Variants in MYO5B observed in about 807,000 individuals in gnomAD.
MYO5B encodes the protein unconventional myosin-Vb.
MYO5B carries 143 observed loss-of-function variants against 229.3 expected under a neutral mutation model. That is an observed-to-expected ratio of 0.62 (90% confidence interval 0.54 to 0.72). The LOEUF (loss-of-function observed/expected upper bound fraction) is 0.72, where lower values mean the gene tolerates loss of function less well. Among genes scored for constraint, MYO5B ranks in the 30% least tolerant of loss-of-function variants. The probability of loss-of-function intolerance (pLI) is 0.00; values close to 1 mark genes in which losing one functional copy is unlikely to be tolerated. For missense variants in MYO5B, 2,321 were observed against 2,331.0 expected (o/e 1.00, Z 0.09); for synonymous variants, 918 against 885.2 (o/e 1.04, Z -0.66).
At chr18:50,107,759 A>T (rs998321737) in intron 1 of MYO5B, among the ~76,000 whole-genome samples, 1 of 152,200 alleles carries the variant, frequency 6.6e-6, no homozygotes, top group Non-Finnish European at 1.5e-5. Flanking sequence ...TTTAAGTTGT[A>T]TATGCTAACA....
chr18:49,931,688 C>CA (rs2025194301), intron 16 of MYO5B, among the ~76,000 whole-genome samples: 1 of 152,152 alleles, frequency 6.6e-6, no homozygotes, highest in East Asian at 1.9e-4. Flanking sequence ...CCAGGGGCGG[C>CA]AATGACCAGT....
At chr18:50,173,402 G>T (rs925573564) in intron 1 of MYO5B, among the ~76,000 whole-genome samples, 2 of 152,162 alleles carry the variant, frequency 1.3e-5, no homozygotes, top group African/African-American at 4.8e-5. Context: ...AAGGGGTTTG[G>T]ATTTTATTCC....
Position 49,864,393 on chromosome 18 carries a change from C to A in MYO5B, c.3604-13G>T, listed in dbSNP as rs754376136. ...CCAGCTCTTGCCTCTGGAAGACAGC[C>A]CAAGGGCCGCTGCCATTACTCCCTG... On this transcript the variant is annotated splice_polypyrimidine_tract_variant and intron_variant, in intron 27 of 39. Coordinates refer to ENST00000285039, the MANE Select transcript of MYO5B (RefSeq NM_001080467.3). 5 of 1,612,304 alleles carry A rather than the reference C, an allele frequency of 3.1e-6. No homozygotes were observed. The highest frequency in any genetic ancestry group is 4.2e-6 in the Non-Finnish European group (5 of 1,179,972).
intron 10 of MYO5B, among the ~76,000 whole-genome samples, chr18:49,973,686 A>G (rs866818198): frequency 6.6e-6 from 1 of 152,330 alleles, no homozygotes; most frequent in South Asian, 2.1e-4. Context: ...GAAAGACCAG[A>G]GAGGGTCTGC....
intron 1 of MYO5B, among the ~76,000 whole-genome samples, chr18:50,068,782 C>A (rs1194260820): frequency 6.6e-6 from 1 of 152,200 alleles, no homozygotes; most frequent in Non-Finnish European, 1.5e-5. Context: ...ACAAATCATT[C>A]ACATTCTCCT....
chr18:49,871,986 G>C (rs1350802389), intron 27 of MYO5B, among the ~76,000 whole-genome samples, 181 bp downstream of exon 27: 2 of 152,136 alleles, frequency 1.3e-5, no homozygotes, highest in East Asian at 1.9e-4. Flanking sequence ...TCCTGTAGTA[G>C]ATACAAATTT....
At chr18:50,102,856 C>T (rs1383796334) in intron 1 of MYO5B, among the ~76,000 whole-genome samples, 1 of 152,092 alleles carries the variant, frequency 6.6e-6, no homozygotes, top group Non-Finnish European at 1.5e-5. Flanking sequence ...TTTTCCTTCC[C>T]CTCCCCAGCC....
In MYO5B at chr18:49,906,468, C is replaced by G; in HGVS notation, c.2365G>C (p.Gly789Arg). 1.2e-6 allele frequency: 2 copies of G among 1,614,170 alleles called. No homozygotes were observed. The highest frequency in any genetic ancestry group is 2.2e-5 in the South Asian group (2 of 91,086). Residue 789 changes from glycine (G) to arginine (R), a missense_variant, in exon 19 of 40, where the codon GGG (glycine) becomes CGG (arginine). Gly to Arg is a moderately radical substitution (Grantham distance 125). This residue lies in a region of MYO5B where 2,113 missense variants were observed against 2,044.7 expected (regional missense o/e 1.03). Coordinates refer to ENST00000285039, the MANE Select transcript of MYO5B (RefSeq NM_001080467.3). ...TACCTCTGCAGGGTTAAGGTAGCCC[C>G]CTTCAGCCTGTGATATTTCACCTTC... ...LQKVKYHRLK[G>R]ATLTLQRYCR...
At chr18:49,857,267 C>T (rs1341419358) in intron 29 of MYO5B, among the ~76,000 whole-genome samples, 7 of 152,312 alleles carry the variant, frequency 4.6e-5, no homozygotes, top group Admixed American at 3.3e-4. Context: ...CATGGTGCTT[C>T]CCTCAATCAG....
At chr18:49,838,252 C>T (rs1476843423) in intron 36 of MYO5B, among the ~76,000 whole-genome samples, 1 of 152,192 alleles carries the variant, frequency 6.6e-6, no homozygotes, top group Non-Finnish European at 1.5e-5. Context: ...TAAAGTACTA[C>T]CCATTTTTAT....
chr18:50,000,062 C>T (rs923969790), intron 5 of MYO5B, among the ~76,000 whole-genome samples: 2 of 152,184 alleles, frequency 1.3e-5, no homozygotes, highest in African/African-American at 4.8e-5. Flanking sequence ...CTCAAAGTAA[C>T]GCAACTCTGA....
At chr18:50,119,718 G>A (rs1450043953) in intron 1 of MYO5B, among the ~76,000 whole-genome samples, 2 of 152,256 alleles carry the variant, frequency 1.3e-5, no homozygotes, top group Non-Finnish European at 2.9e-5. Flanking sequence ...AAATCAGCCC[G>A]AGTTGTTCAT....
intron 4 of MYO5B, among the ~76,000 whole-genome samples, chr18:50,008,367 T>C (rs948126825): frequency 2.0e-5 from 3 of 152,198 alleles, no homozygotes; most frequent in African/African-American, 7.2e-5. Context: ...GGATGAGTGG[T>C]CTGGCACCTG....
intron 4 of MYO5B, among the ~76,000 whole-genome samples, chr18:50,018,282 A>C (rs945537415): frequency 1.3e-4 from 12 of 93,408 alleles, no homozygotes; most frequent in African/African-American, 4.8e-4. Flanking sequence ...TTGCTCATAC[A>C]TATACCCATT....
At chr18:50,168,475 T>C (rs1451767938) in intron 1 of MYO5B, among the ~76,000 whole-genome samples, 1 of 152,232 alleles carries the variant, frequency 6.6e-6, no homozygotes, top group Non-Finnish European at 1.5e-5. Context: ...GCTGCCCCTG[T>C]CAGGGGGCCC....
Position 49,825,760 on chromosome 18 carries a change from C to T in MYO5B, c.*711G>A, listed in dbSNP as rs1408655524. The T allele has an allele frequency of 6.6e-6, 1 of 152,622 alleles. No homozygotes were observed. Among genetic ancestry groups the T allele is most frequent in the African/African-American group, 2.4e-5 (1 of 41,442 alleles). 9.5% of individuals were successfully genotyped at this position (152,622 alleles called of 1,614,324 possible). On this transcript the variant is annotated 3_prime_UTR_variant, in exon 40 of 40. Coordinates refer to ENST00000285039, the MANE Select transcript of MYO5B (RefSeq NM_001080467.3). The stretch of plus-strand genomic sequence containing the variant: ...CTTTCTCACTTGGAGTTTGGGATAG[C>T]AGCATTTTAATAATCTCTTCCATTA...
rs2026366403 is a variant in MYO5B, at chr18:50,029,551, C to G, written c.455+7299G>C. Among the ~76,000 whole-genome samples, 5 of 152,270 alleles carry G rather than the reference C, an allele frequency of 3.3e-5. No homozygotes were observed. In the South Asian group the frequency reaches 1.0e-3, roughly 32 times the overall value. ...TGGTTTCAGACTTTACTATAAAATT[C>G]ACCCAGTCATTGCTCCCTACTCACT... On this transcript the variant is annotated intron_variant, in intron 4 of 39. Coordinates refer to ENST00000285039, the MANE Select transcript of MYO5B (RefSeq NM_001080467.3).
Position 49,958,286 on chromosome 18 carries a change from G to A in MYO5B, c.1546-3851C>T, listed in dbSNP as rs551703072. ...TAGATCTATGGAGGAAGTTGATCTC[G>A]ACAACTCCTAAACCCCAATTTATGG... is the stretch of plus-strand genomic sequence containing the variant. On this transcript the variant is annotated intron_variant, in intron 12 of 39. Transcript: ENST00000285039. 8.3e-4 allele frequency among the ~76,000 whole-genome samples: 127 copies of A among 152,218 alleles called. 1 individual carries two copies. Among genetic ancestry groups the A allele is most frequent in the African/African-American group, 2.8e-3 (116 of 41,526 alleles).
intron 1 of MYO5B, among the ~76,000 whole-genome samples, chr18:50,148,705 T>C (rs368285425): frequency 1.4e-4 from 21 of 151,172 alleles, no homozygotes; most frequent in Admixed American, 1.4e-3. Context: ...GAGCTATCTA[T>C]GACAAACCCA....
Sources: allele counts gnomAD v4.1 joint callset (sites outside exome capture counted in the v4.1 genomes callset), GRCh38; gene constraint gnomAD v4.1.1; regional missense constraint gnomAD v4.1.1; transcripts MANE v1.5; gene names NCBI Gene and HGNC (gene_info 2026-07-23, HGNC 2026-07-21).